The following FAM131A variants were observed in gnomAD, a reference collection of about 807,000 sequenced individuals.
FAM131A encodes family with sequence similarity 131 member A.
In FAM131A, 24 loss-of-function variants were observed where a neutral mutation model predicts 39.2. The ratio of observed to expected loss-of-function variants is 0.61; its 90% CI spans 0.44 to 0.86. The LOEUF (loss-of-function observed/expected upper bound fraction) is 0.86. FAM131A is among the 40% of genes least tolerant of loss of function. The pLI, the probability that FAM131A is intolerant of heterozygous loss-of-function variation, is 0.00. For missense variants in FAM131A, 373 were observed against 481.2 expected, an observed-to-expected ratio of 0.78 and a Z score of 2.10; for synonymous variants, 202 against 206.8, an observed-to-expected ratio of 0.98 and a Z score of 0.20.
chr3:184,337,618 C>A lies in FAM131A; in HGVS notation c.-13C>A, dbSNP rs1366588534. ...GTTCTGGGCTTTTGGTTCTCTGCAT[C>A]AACACAGCCAGCATGCCTATGATTT... On this transcript the variant is annotated 5_prime_UTR_variant, in exon 1 of 6. Coordinates refer to ENST00000383847, the MANE Select transcript of FAM131A (RefSeq NM_144635.5). 6.5e-7 allele frequency: 1 copy of A among 1,537,002 alleles called. No homozygotes were observed. The highest frequency in any genetic ancestry group is 1.4e-5 in the African/African-American group (1 of 73,034).
rs1408653657 is a variant in FAM131A, at chr3:184,345,073, C to G, written c.*103C>G. The G allele has an allele frequency of 6.2e-6, 7 of 1,131,896 alleles. No individual in the cohort carries two copies. Among genetic ancestry groups the G allele is most frequent in the Non-Finnish European group, 6.1e-6 (5 of 823,626 alleles). The allele number at this position is 1,131,896 out of a possible 1,614,324, so 70.1% of individuals were successfully genotyped here. A position where few individuals can be genotyped will look rare whatever the true frequency, so the allele number is the denominator to read the frequency against. On this transcript the variant is annotated 3_prime_UTR_variant, in exon 6 of 6. Coordinates refer to ENST00000383847, the MANE Select transcript of FAM131A (RefSeq NM_144635.5). Reference sequence around the variant, plus strand: ...AAGGCTCCCAGCAGAGCTCCACAGCCTAGAGGGCTCCTGGGAGCGCTCGCT... The same window carrying G: ...AAGGCTCCCAGCAGAGCTCCACAGCGTAGAGGGCTCCTGGGAGCGCTCGCT...
At chr3:184,338,574 T>A (rs2108541286) in intron 2 of FAM131A, 45 bp downstream of exon 2, 3 of 1,525,704 alleles carry the variant, frequency 2.0e-6, no homozygotes, top group Non-Finnish European at 2.6e-6. Context: ...GTCATCCATA[T>A]AAAGGGGATC....
Position 184,342,828 on chromosome 3 carries a change from A to G in FAM131A, c.593A>G (p.Tyr198Cys). Residue 198 changes from tyrosine to cysteine, a missense_variant, in exon 5 of 6, where the codon TAT becomes TGT. Physicochemically the swap from Tyr to Cys is radical, Grantham distance 194. Around this residue, in one of 2 missense-constraint regions of FAM131A, gnomAD observed 221 missense variants for 347.7 expected, o/e 0.64. Coordinates refer to ENST00000383847, the MANE Select transcript of FAM131A (RefSeq NM_144635.5). The surrounding 1 kb of genome is among the most constrained non-coding windows in gnomAD (Gnocchi z 4.6). ...VDGEDSTDDSYDEDFAGGMDT... is the reference protein window; with the variant it reads ...VDGEDSTDDSCDEDFAGGMDT... ...GGCGAGGACTCCACTGATGACTCCT[A>G]TGATGAGGACTTTGCTGGGGGAATG... is the stretch of plus-strand genomic sequence containing the variant. 1 of 1,613,774 alleles carries G rather than the reference A, an allele frequency of 6.2e-7. No homozygotes were observed. Among genetic ancestry groups the G allele is most frequent in the South Asian group, 1.1e-5 (1 of 91,082 alleles).
intron 2 of FAM131A, 60 bp downstream of exon 2, chr3:184,338,589 GC>G: frequency 6.6e-7 from 1 of 1,509,782 alleles, no homozygotes. Context: ...GGGATCTGCA[GC>G]CCCCACCCAC....
At chr3:184,338,835 C>G (rs1240506356) in intron 2 of FAM131A, 1 of 292,344 alleles carries the variant, frequency 3.4e-6, no homozygotes, top group African/African-American at 2.2e-5. Flanking sequence ...TGGGCCGCAG[C>G]TGCGCGGAGC....
Position 184,342,726 on chromosome 3 carries a change from AT to A in FAM131A, c.509-16del, listed in dbSNP as rs1334338855. 6.2e-7 allele frequency: 1 copy of A among 1,607,438 alleles called. No homozygotes were observed. Among genetic ancestry groups the A allele is most frequent in the Admixed American group, 1.7e-5 (1 of 59,860 alleles). On this transcript the variant is annotated splice_polypyrimidine_tract_variant and intron_variant, in intron 4 of 5. Transcript: ENST00000383847. This position sits in a 1 kb window ranked among gnomAD's most constrained non-coding sequence, Gnocchi z 4.6. ...CTTAGCTCACCTTCTCTGCTTATGC[AT>A]TCTGTCCCTGCGACAGGAGTGGCTG... is the stretch of plus-strand genomic sequence containing the variant.
chr3:184,338,696 C>A, intron 2 of FAM131A, 167 bp downstream of exon 2: 2 of 810,380 alleles, frequency 2.5e-6, no homozygotes, highest in Non-Finnish European at 3.7e-6. Context: ...CTGCTCTGCT[C>A]GGCGCTGTGC....
chr3:184,336,300 G>A (rs1727086654), upstream of FAM131A, among the ~76,000 whole-genome samples: 1 of 152,168 alleles, frequency 6.6e-6, no homozygotes, highest in Admixed American at 6.5e-5. The surrounding 1 kb of genome is among the most constrained non-coding windows in gnomAD (Gnocchi z 5.5). Flanking sequence ...GGGCCAGACC[G>A]ACTCCGGTTC....
upstream of FAM131A, among the ~76,000 whole-genome samples, chr3:184,336,853 C>T (rs150945384): frequency 6.6e-6 from 1 of 152,328 alleles, no homozygotes; most frequent in Non-Finnish European, 1.5e-5. The surrounding 1 kb of genome is among the most constrained non-coding windows in gnomAD (Gnocchi z 5.5). Flanking sequence ...CCTCGGTTTC[C>T]GTGGGTGGCC....
intron 1 of FAM131A, among the ~76,000 whole-genome samples, chr3:184,338,075 A>G (rs866870771): frequency 6.6e-6 from 1 of 152,032 alleles, no homozygotes; most frequent in Non-Finnish European, 1.5e-5. Flanking sequence ...GTGCTTTCCA[A>G]GAGGAATGGG....
upstream of FAM131A, chr3:184,337,046 A>C (rs1343913553): frequency 1.3e-5 from 2 of 153,022 alleles, no homozygotes; most frequent in Non-Finnish European, 2.9e-5. Context: ...TGTTCTTTGG[A>C]GCTAAGACTG....
chr3:184,341,906 C>T lies in FAM131A; in HGVS notation c.325+89C>T, dbSNP rs1347573517. The T allele has an allele frequency of 3.3e-6, 5 of 1,515,782 alleles. No homozygotes were observed. In the Admixed American group the frequency reaches 8.3e-5, roughly 25 times the overall value. 93.9% of individuals were successfully genotyped at this position (1,515,782 alleles called of 1,614,324 possible). The stretch of plus-strand genomic sequence containing the variant: ...TGGAACTGTTTCCTGTGAGTACATG[C>T]TGGGGTCTCCCCTTTCTTCCCTTGC... On this transcript the variant is annotated intron_variant, in intron 3 of 5. Transcript: ENST00000383847.
intron 2 of FAM131A, 74 bp downstream of exon 2, chr3:184,338,603 C>T (rs1727224888): frequency 6.7e-7 from 1 of 1,496,604 alleles, no homozygotes; most frequent in South Asian, 1.3e-5. Context: ...CCACCCACGC[C>T]TGGCCAGCCA....
rs1727430902 is a variant in FAM131A, at chr3:184,342,520, C to T, written c.509-224C>T. On this transcript the variant is annotated intron_variant, in intron 4 of 5. Coordinates refer to ENST00000383847, the MANE Select transcript of FAM131A (RefSeq NM_144635.5). The surrounding 1 kb of genome is among the most constrained non-coding windows in gnomAD (Gnocchi z 4.6). ...ATGGGGTTTCACCGTCTAGGCCAGGCTGGTCTTGAACTCCTGACCTAGTGA... is the reference window on the plus strand; with the variant it reads ...ATGGGGTTTCACCGTCTAGGCCAGGTTGGTCTTGAACTCCTGACCTAGTGA... Among the ~76,000 whole-genome samples, 2 of 152,130 alleles carry T rather than the reference C, an allele frequency of 1.3e-5. No individual in the cohort carries two copies.
At chr3:184,341,635 C>T (rs1042599356) in intron 2 of FAM131A, 89 bp from the exon 3 acceptor site, 62 of 1,055,594 alleles carry the variant, frequency 5.9e-5, no homozygotes, top group Middle Eastern at 2.0e-4. Context: ...GCTCCTGTCT[C>T]CTCCTCATGC....
chr3:184,342,731 G>T lies in FAM131A; in HGVS notation c.509-13G>T. ...CTCACCTTCTCTGCTTATGCATTCT[G>T]TCCCTGCGACAGGAGTGGCTGAGCA... On this transcript the variant is annotated splice_polypyrimidine_tract_variant and intron_variant, in intron 4 of 5. Transcript: ENST00000383847. This position sits in a 1 kb window ranked among gnomAD's most constrained non-coding sequence, Gnocchi z 4.6. 3 of 1,610,408 alleles carry T rather than the reference G, an allele frequency of 1.9e-6. No individual in the cohort carries two copies. In the South Asian group the frequency reaches 3.3e-5, roughly 18 times the overall value.
chr3:184,337,766 A>G (rs1269485532), intron 1 of FAM131A, 48 bp downstream of exon 1: 1 of 1,511,626 alleles, frequency 6.6e-7, no homozygotes, highest in African/African-American at 1.4e-5. Context: ...TGGGAAGCTG[A>G]GCAGTAGGGT....
rs547564678 is a variant in FAM131A, at chr3:184,338,394, G to A, written c.96G>A (p.Ser32=). Reference sequence around the variant, plus strand: ...CTTTCCCCTTCCTCTCAGTGTCCTCGGACCCCGCTTGGGCTGTGGAGTGGA... The same window carrying A: ...CTTTCCCCTTCCTCTCAGTGTCCTCAGACCCCGCTTGGGCTGTGGAGTGGA... ...WTCQTSRRVS[S]DPAWAVEWIE... Residue 32 remains serine, a synonymous_variant, in exon 2 of 6, where the codon TCG becomes TCA. Coordinates refer to ENST00000383847, the MANE Select transcript of FAM131A (RefSeq NM_144635.5). 2.6e-5 allele frequency: 37 copies of A among 1,446,192 alleles called. No homozygotes were observed. In the African/African-American group the frequency reaches 4.9e-4, roughly 19 times the overall value. The allele number at this position is 1,446,192 out of a possible 1,614,324, so 89.6% of individuals were successfully genotyped here. A position where few individuals can be genotyped will look rare whatever the true frequency, so the allele number is the denominator to read the frequency against.
At chr3:184,337,309 A>C, upstream of FAM131A, 1 of 257,594 alleles carries the variant, frequency 3.9e-6, no homozygotes, top group Non-Finnish European at 7.5e-6. Context: ...TCTGGTTGGT[A>C]GCATTTCTGG....
Sources: allele counts gnomAD v4.1 joint callset (sites outside exome capture counted in the v4.1 genomes callset), GRCh38; gene constraint gnomAD v4.1.1; regional missense constraint gnomAD v4.1.1; non-coding constraint Gnocchi (gnomAD v3.1); transcripts MANE v1.5; gene names NCBI Gene and HGNC (gene_info 2026-07-23, HGNC 2026-07-21).